PLPPR1: variants seen among roughly 807,000 people sequenced by gnomAD.
PLPPR1 encodes the protein phospholipid phosphatase related 1.
Under a neutral mutation model 33.1 loss-of-function variants are expected in PLPPR1, and 10 were observed. The ratio of observed to expected loss-of-function variants is 0.30; its 90% CI spans 0.19 to 0.51. PLPPR1 has a LOEUF of 0.51. PLPPR1 is among the 20% of genes least tolerant of loss of function. The probability of loss-of-function intolerance (pLI) is 0.97; values close to 1 mark genes in which losing one functional copy is unlikely to be tolerated. For missense variants in PLPPR1, 304 were observed against 408.1 expected (o/e 0.74, Z 2.20); for synonymous variants, 151 against 151.0 (o/e 1.00, Z 0.00).
At chr9:101,043,591 G>A (rs1467039890) in intron 1 of PLPPR1, among the ~76,000 whole-genome samples, 1 of 151,816 alleles carries the variant, frequency 6.6e-6, no homozygotes. Context: ...TGCGAATTTC[G>A]CTGCTATAAA....
At chr9:101,172,886 GCA>G (rs1825964977) in intron 1 of PLPPR1, among the ~76,000 whole-genome samples, 3 of 152,026 alleles carry the variant, frequency 2.0e-5, no homozygotes, top group Admixed American at 2.0e-4. Flanking sequence ...AAGGATCATT[GCA>G]CTTTATTGCC....
intron 2 of PLPPR1, among the ~76,000 whole-genome samples, chr9:101,244,903 A>G (rs2118855089): frequency 6.6e-6 from 1 of 152,150 alleles, no homozygotes; most frequent in South Asian, 2.1e-4. Flanking sequence ...AAACACATAA[A>G]TAGGCATTTT....
intron 1 of PLPPR1, among the ~76,000 whole-genome samples, chr9:101,164,648 G>A (rs1361170921): frequency 6.6e-6 from 1 of 151,936 alleles, no homozygotes; most frequent in East Asian, 1.9e-4. Context: ...GATTACAGTC[G>A]CAAGCCACTG....
chr9:101,231,277 A>G (rs376440147), intron 2 of PLPPR1, among the ~76,000 whole-genome samples: 10 of 104,656 alleles, frequency 9.6e-5, no homozygotes, highest in Middle Eastern at 4.6e-3. Flanking sequence ...TGGTGCCCCA[A>G]TTAAAAAAAA....
intron 1 of PLPPR1, among the ~76,000 whole-genome samples, chr9:101,158,198 T>A (rs1248841712): frequency 2.0e-5 from 3 of 152,008 alleles, no homozygotes; most frequent in Admixed American, 6.6e-5. Context: ...AGAAGCCAGA[T>A]TGCAATTAGT....
chr9:101,190,955 CAGACATTCAGAA>C (rs1019379955), intron 2 of PLPPR1, among the ~76,000 whole-genome samples: 1 of 152,150 alleles, frequency 6.6e-6, no homozygotes, highest in Non-Finnish European at 1.5e-5. Context: ...CCTTGAATGA[CAGACATTCAGAA>C]AAATTTCTCT....
At chr9:101,246,033 A>G (rs1040780847) in intron 2 of PLPPR1, among the ~76,000 whole-genome samples, 1 of 143,202 alleles carries the variant, frequency 7.0e-6, no homozygotes, top group Non-Finnish European at 1.5e-5. Context: ...AATCTCCCAT[A>G]TACCTCTCAA....
intron 2 of PLPPR1, among the ~76,000 whole-genome samples, chr9:101,226,052 C>A (rs1243644133): frequency 6.6e-6 from 1 of 152,038 alleles, no homozygotes; most frequent in African/African-American, 2.4e-5. Flanking sequence ...TTCTACAGAA[C>A]CAAAGAGCCC....
chr9:101,280,844 T>C (rs1192538520), intron 3 of PLPPR1, among the ~76,000 whole-genome samples: 1 of 152,028 alleles, frequency 6.6e-6, no homozygotes, highest in Non-Finnish European at 1.5e-5. Flanking sequence ...TGAAAGCCTT[T>C]CCTCTAAGAT....
intron 6 of PLPPR1, 131 bp from the exon 7 acceptor site, chr9:101,317,234 C>G (rs1829071363): frequency 3.2e-6 from 3 of 945,842 alleles, no homozygotes; most frequent in Non-Finnish European, 4.8e-6. Context: ...CCCATAGTCC[C>G]TTTCCCCTCT....
At chr9:101,262,021 C>T (rs535986749) in intron 2 of PLPPR1, among the ~76,000 whole-genome samples, 1 of 152,134 alleles carries the variant, frequency 6.6e-6, no homozygotes, top group Admixed American at 6.5e-5. Context: ...ATTTAACTAA[C>T]TGGAGACTTA....
At chr9:101,205,763 C>G (rs1474937632) in intron 2 of PLPPR1, among the ~76,000 whole-genome samples, 1 of 152,110 alleles carries the variant, frequency 6.6e-6, no homozygotes. Flanking sequence ...GGCCGTATGC[C>G]AGGCACTGAA....
intron 1 of PLPPR1, among the ~76,000 whole-genome samples, chr9:101,145,860 A>AC (rs1831515020): frequency 2.1e-5 from 2 of 97,508 alleles, no homozygotes; most frequent in Admixed American, 1.1e-4. Flanking sequence ...AAAAAAAAAA[A>AC]ATGAAAATAG....
At chr9:101,260,144 A>ACACT (rs1216042062) in intron 2 of PLPPR1, among the ~76,000 whole-genome samples, 1 of 152,136 alleles carries the variant, frequency 6.6e-6, no homozygotes, top group Non-Finnish European at 1.5e-5. Flanking sequence ...TCTCCTAAGA[A>ACACT]CACTAATCCT....
intron 1 of PLPPR1, among the ~76,000 whole-genome samples, chr9:101,143,364 C>T (rs1359750254): frequency 2.0e-5 from 3 of 152,086 alleles, no homozygotes; most frequent in Non-Finnish European, 4.4e-5. Flanking sequence ...TTGTGTCTTT[C>T]CTCCAGTTCA....
At chr9:101,314,881 G>C (rs1254665462) in intron 6 of PLPPR1, among the ~76,000 whole-genome samples, 1 of 152,206 alleles carries the variant, frequency 6.6e-6, no homozygotes. Context: ...AAATACTCTG[G>C]ATGAAGTTGC....
At chr9:101,169,108 A>G (rs780447449) in intron 1 of PLPPR1, among the ~76,000 whole-genome samples, 1 of 152,114 alleles carries the variant, frequency 6.6e-6, no homozygotes, top group Non-Finnish European at 1.5e-5. Flanking sequence ...TTCTTGGCCT[A>G]TTTTCTCTCC....
intron 1 of PLPPR1, among the ~76,000 whole-genome samples, chr9:101,029,940 C>T (rs1385917429): frequency 1.3e-5 from 2 of 152,110 alleles, no homozygotes; most frequent in African/African-American, 4.8e-5. Flanking sequence ...ATGACACGCA[C>T]GTGTGGAATA....
chr9:101,210,523 G>A (rs1023674015), intron 2 of PLPPR1, among the ~76,000 whole-genome samples: 8 of 152,054 alleles, frequency 5.3e-5, no homozygotes, highest in African/African-American at 1.9e-4. Flanking sequence ...ACTATAAGAG[G>A]ATTCATAGTC....
Sources: allele counts gnomAD v4.1 joint callset (sites outside exome capture counted in the v4.1 genomes callset), GRCh38; gene constraint gnomAD v4.1.1; transcripts MANE v1.5; gene names NCBI Gene and HGNC (gene_info 2026-07-23, HGNC 2026-07-21).